Variants in CROCC observed in about 807,000 individuals in gnomAD.
CROCC encodes ciliary rootlet coiled-coil, rootletin.
CROCC carries 180 observed loss-of-function variants against 245.2 expected under a neutral mutation model. That is an observed-to-expected ratio of 0.73 (90% CI 0.65 to 0.83). CROCC has a LOEUF of 0.83. Among genes scored for constraint, CROCC ranks in the 40% least tolerant of loss-of-function variants. The pLI is 0.00. For synonymous variants in CROCC, 1,205 were observed against 1,241.6 expected (o/e 0.97, Z 0.62); for missense variants, 2,688 against 2,779.4 (o/e 0.97, Z 0.74).
At chr1:16,960,280 CAAA>C (rs900586057) in intron 26 of CROCC, among the ~76,000 whole-genome samples, 6 of 151,962 alleles carry the variant, frequency 3.9e-5, no homozygotes, top group African/African-American at 7.3e-5. Flanking sequence ...AACAAACAAA[CAAA>C]AACCCACAAA....
At chr1:16,921,741 C>T (rs1175459043), upstream of CROCC, among the ~76,000 whole-genome samples, 2 of 152,228 alleles carry the variant, frequency 1.3e-5, no homozygotes, top group East Asian at 1.9e-4. Flanking sequence ...TCTTCTCTCT[C>T]CTCCCTCCTT....
intron 13 of CROCC, among the ~76,000 whole-genome samples, chr1:16,942,830 G>A (rs1314180204): frequency 1.3e-5 from 2 of 152,286 alleles, no homozygotes; most frequent in Non-Finnish European, 2.9e-5. Context: ...TGTCGACTGA[G>A]CGAGGTGGCT....
intron 27 of CROCC, among the ~76,000 whole-genome samples, chr1:16,963,047 G>C (rs1260964144): frequency 6.6e-6 from 1 of 151,818 alleles, no homozygotes; most frequent in Non-Finnish European, 1.5e-5. Context: ...GTCAAGTGTG[G>C]TGGCAGACGC....
In CROCC at chr1:16,922,684, T is replaced by C. The variant is rs2075434698; in HGVS notation, c.82T>C (p.Cys28Arg). The C allele has an allele frequency of 1.9e-6, 3 of 1,612,666 alleles. No individual in the cohort carries two copies. Among genetic ancestry groups the C allele is most frequent in the Non-Finnish European group, 2.5e-6 (3 of 1,179,422 alleles). ...ACAGACACTGGAGAGCAGCGTCCTG[T>C]GCCAGGAGAAAGGCTTGGGCGCGCG... ...VIQTLESSVLCQEKGLGARDL... is the reference protein window; with the variant it reads ...VIQTLESSVLRQEKGLGARDL... Residue 28 changes from cysteine to arginine, a missense_variant, in exon 2 of 37, where the codon TGC becomes CGC. Physicochemically the swap from Cys to Arg is radical, Grantham distance 180 (BLOSUM62 -3). This residue lies in a region of CROCC where 972 missense variants were observed against 895.3 expected (regional missense o/e 1.09). Transcript: ENST00000375541.
At chr1:16,931,101 G>C (rs1443643988) in intron 7 of CROCC, among the ~76,000 whole-genome samples, 190 bp from the exon 8 acceptor site, 1 of 152,414 alleles carries the variant, frequency 6.6e-6, no homozygotes, top group East Asian at 1.9e-4. Context: ...CCAGGTCCCT[G>C]TGCAGGAGGG....
In CROCC at chr1:16,966,649, C is replaced by G; in HGVS notation, c.4860+78C>G. On this transcript the variant is annotated intron_variant, in intron 30 of 36. Coordinates refer to ENST00000375541, the MANE Select transcript of CROCC (RefSeq NM_014675.5). This position sits in a 1 kb window ranked among gnomAD's most constrained non-coding sequence, Gnocchi z 4.8. ...GAGTGTCTAACTCTTATGTGTGTCT[C>G]CCTGTGTCTGTCTGCCTGAGTCTCT... is the stretch of plus-strand genomic sequence containing the variant. 7.1e-7 allele frequency: 1 copy of G among 1,399,008 alleles called. No homozygotes were observed. The highest frequency in any genetic ancestry group is 9.3e-7 in the Non-Finnish European group (1 of 1,071,476). 86.7% of individuals were successfully genotyped at this position (1,399,008 alleles called of 1,614,324 possible).
chr1:16,936,708 G>T lies in CROCC; in HGVS notation c.1028G>T (p.Ser343Ile), dbSNP rs369695287. The T allele has an allele frequency of 6.2e-7, 1 of 1,605,940 alleles. No individual in the cohort carries two copies. Among genetic ancestry groups the T allele is most frequent in the African/African-American group, 1.3e-5 (1 of 74,856 alleles). The change falls in exon 9 of 37, where the codon AGC (serine) becomes ATC (isoleucine). Residue 343 changes from serine (S) to isoleucine (I), a missense_variant. Transcript: ENST00000375541. Reference sequence around the variant, plus strand: ...GTCCAGGAGGCGGGCCTGGGACTGAGCACGGGCCTACGGCTGGCAGAGAGC... The same window carrying T: ...GTCCAGGAGGCGGGCCTGGGACTGATCACGGGCCTACGGCTGGCAGAGAGC... ...RAVQEAGLGLSTGLRLAESRA... is the reference protein window; with the variant it reads ...RAVQEAGLGLITGLRLAESRA...
At chr1:16,957,693 C>T (rs2076269416) in intron 25 of CROCC, among the ~76,000 whole-genome samples, 3 of 152,168 alleles carry the variant, frequency 2.0e-5, no homozygotes, top group African/African-American at 7.2e-5. Flanking sequence ...GATCCACCCA[C>T]CTTGGCCTCC....
chr1:16,968,377 G>A lies in CROCC; in HGVS notation c.5035G>A (p.Ala1679Thr). ...GGGCCTCAGTGACCGCGAGGCCCAA[G>A]CCCAGGCCCTCCAGGATCGGGTGGA... ...RLGLSDREAQ[A>T]QALQDRVDSL... The change falls in exon 31 of 37, where the codon GCC becomes ACC. Residue 1679 changes from alanine (A) to threonine (T), a missense_variant. Coordinates refer to ENST00000375541, the MANE Select transcript of CROCC (RefSeq NM_014675.5). 1.3e-6 allele frequency: 2 copies of A among 1,519,994 alleles called. No individual in the cohort carries two copies. Among genetic ancestry groups the A allele is most frequent in the South Asian group, 2.5e-5 (2 of 80,384 alleles). 94.2% of individuals were successfully genotyped at this position (1,519,994 alleles called of 1,614,324 possible). A position where few individuals can be genotyped will look rare whatever the true frequency, so the allele number is the denominator to read the frequency against.
rs562468203 is a variant in CROCC at position 16,963,402 on chromosome 1, G to A, written c.4405+2272G>A. 6.6e-5 allele frequency among the ~76,000 whole-genome samples: 10 copies of A among 152,044 alleles called. No homozygotes were observed. The South Asian group carries it at 2.1e-3, about 32-fold the overall frequency. ...CAGTCCCAGAGCATCAAGCAGGGGG[G>A]TGAGATTTGGGGACGAAGGGCTTGC... On this transcript the variant is annotated intron_variant, in intron 27 of 36. Transcript: ENST00000375541.
rs530556204 is a variant in CROCC, at chr1:16,966,948, G to A, written c.4860+377G>A. Among the ~76,000 whole-genome samples the A allele has an allele frequency of 1.3e-5, 2 of 152,104 alleles. No homozygotes were observed. Among genetic ancestry groups the A allele is most frequent in the East Asian group, 1.9e-4 (1 of 5,170 alleles). Reference sequence around the variant, plus strand: ...TGTGGGCCTGTAGTCCCAGCTACTCGGGAGGCTGAGGTGGGAAGATCACTG... The same window carrying A: ...TGTGGGCCTGTAGTCCCAGCTACTCAGGAGGCTGAGGTGGGAAGATCACTG... On this transcript the variant is annotated intron_variant, in intron 30 of 36. Coordinates refer to ENST00000375541, the MANE Select transcript of CROCC (RefSeq NM_014675.5). This position sits in a 1 kb window ranked among gnomAD's most constrained non-coding sequence, Gnocchi z 4.8.
chr1:16,960,912 C>G lies in CROCC; in HGVS notation c.4187C>G (p.Ala1396Gly), dbSNP rs1295774686. ...GAGCTGAAGCTGGAGGCGGCGCGGGCCGAGGCTGCAGAGCTGGGCCTGCGG... is the reference window on the plus strand; with the variant it reads ...GAGCTGAAGCTGGAGGCGGCGCGGGGCGAGGCTGCAGAGCTGGGCCTGCGG... ...GLELKLEAARAEAAELGLRLS... is the reference protein window; with the variant it reads ...GLELKLEAARGEAAELGLRLS... Residue 1396 changes from alanine to glycine, a missense_variant, in exon 27 of 37, where the codon GCC (alanine) becomes GGC (glycine). Coordinates refer to ENST00000375541, the MANE Select transcript of CROCC (RefSeq NM_014675.5). 5.3e-6 allele frequency: 8 copies of G among 1,504,324 alleles called. No individual in the cohort carries two copies. The highest frequency in any genetic ancestry group is 7.1e-6 in the Non-Finnish European group (8 of 1,133,944). The allele number at this position is 1,504,324 out of a possible 1,614,324, so 93.2% of individuals were successfully genotyped here.
Position 16,939,026 on chromosome 1 carries a change from C to G in CROCC, c.1492C>G (p.Arg498Gly), listed in dbSNP as rs1400063713. The G allele has an allele frequency of 1.9e-6, 3 of 1,597,658 alleles. No individual in the cohort carries two copies. In the South Asian group the frequency reaches 3.4e-5, roughly 18 times the overall value. Reference protein sequence around the residue: ...SGQRTPSPPRRSSPGRGRSPR... With the variant: ...SGQRTPSPPRGSSPGRGRSPR... Reference sequence around the variant, plus strand: ...CCAGCGGACCCCGTCCCCACCGCGGCGCTCCTCGCCCGGCCGAGGCCGTTC... The same window carrying G: ...CCAGCGGACCCCGTCCCCACCGCGGGGCTCCTCGCCCGGCCGAGGCCGTTC... Residue 498 changes from arginine to glycine, a missense_variant, in exon 12 of 37, where the codon CGC (arginine) becomes GGC (glycine). Transcript: ENST00000375541.
chr1:16,948,937 C>T lies in CROCC; in HGVS notation c.2836+11C>T. ...AGGAGACCCTGACTGGTACGAGGGG[C>T]TGGGGACTTGGGGGGAACACCAGGT... On this transcript the variant is annotated intron_variant, in intron 19 of 36. Coordinates refer to ENST00000375541, the MANE Select transcript of CROCC (RefSeq NM_014675.5). The T allele has an allele frequency of 1.9e-6, 3 of 1,610,660 alleles. No homozygotes were observed. Among genetic ancestry groups the T allele is most frequent in the Non-Finnish European group, 2.5e-6 (3 of 1,179,510 alleles).
chr1:16,951,510 C>A (rs2076159036), intron 20 of CROCC, among the ~76,000 whole-genome samples: 1 of 152,184 alleles, frequency 6.6e-6, no homozygotes, highest in African/African-American at 2.4e-5. Flanking sequence ...TTTGAATTGC[C>A]TGGGTTTGAA....
intron 27 of CROCC, among the ~76,000 whole-genome samples, chr1:16,963,433 T>C (rs1289595605): frequency 6.6e-6 from 1 of 152,038 alleles, no homozygotes; most frequent in Non-Finnish European, 1.5e-5. Flanking sequence ...CTTGCTCCAA[T>C]AGACATTATA....
At position 16,954,589 on chromosome 1, in the gene CROCC, C is replaced by T; in HGVS notation, c.3322-145C>T. ...GGCTACACGGGCAGCACTCACTATG[C>T]ATCCAGGGGTTGGCAGAGGGTCCGG... On this transcript the variant is annotated intron_variant, in intron 22 of 36. Coordinates refer to ENST00000375541, the MANE Select transcript of CROCC (RefSeq NM_014675.5). This position sits in a 1 kb window ranked among gnomAD's most constrained non-coding sequence, Gnocchi z 4.4. 1 of 1,197,316 alleles carries T rather than the reference C, an allele frequency of 8.4e-7. No homozygotes were observed. Among genetic ancestry groups the T allele is most frequent in the Non-Finnish European group, 1.2e-6 (1 of 868,194 alleles). 74.2% of individuals were successfully genotyped at this position (1,197,316 alleles called of 1,614,324 possible). A position where few individuals can be genotyped will look rare whatever the true frequency, so the allele number is the denominator to read the frequency against.
In CROCC at chr1:16,961,123, C is replaced by CGCAGAAGGTAAGG; in HGVS notation, c.4403_4405+10dup. The CGCAGAAGGTAAGG allele has an allele frequency of 7.4e-7, 1 of 1,349,676 alleles. No homozygotes were observed. Among genetic ancestry groups the CGCAGAAGGTAAGG allele is most frequent in the Non-Finnish European group, 9.5e-7 (1 of 1,056,266 alleles). The allele number at this position is 1,349,676 out of a possible 1,614,324, so 83.6% of individuals were successfully genotyped here. ...CCGGTTCCCCTGCCCGGGACGCACC[C>CGCAGAAGGTAAGG]GCAGAAGGTAAGGGCAGTGCCGCGC... On this transcript the variant is annotated frameshift_variant, in exon 27 of 37. Transcript: ENST00000375541. LOFTEE classifies it high-confidence loss of function.
At chr1:16,971,210 A>AGTGTGTGT (rs34364208) in intron 35 of CROCC, among the ~76,000 whole-genome samples, 71 of 144,126 alleles carry the variant, frequency 4.9e-4, no homozygotes, top group Non-Finnish European at 6.7e-4. Flanking sequence ...ATGATGTCTG[A>AGTGTGTGT]GTGTGTGTGT....
Sources: gnomAD v4.1 joint callset for allele counts (sites outside exome capture counted in the v4.1 genomes callset) on GRCh38, gnomAD v4.1.1 for gene constraint, gnomAD v4.1.1 regional missense constraint, Gnocchi (gnomAD v3.1) non-coding constraint, MANE v1.5 for transcripts, NCBI Gene and HGNC (gene_info 2026-07-23, HGNC 2026-07-21) for gene names.